CEP170: variants seen among roughly 807,000 people sequenced by gnomAD.
CEP170 encodes centrosomal protein 170, also known as centrosomal protein of 170 kDa.
In CEP170, 21 loss-of-function variants were observed where a neutral mutation model predicts 151.9. That is an observed-to-expected ratio of 0.14 (90% CI 0.10 to 0.20). The LOEUF (loss-of-function observed/expected upper bound fraction) is 0.20. Ranked by LOEUF, CEP170 falls within the 10% of genes least tolerant of loss-of-function variation. The probability of loss-of-function intolerance (pLI) is 1.00; values close to 1 mark genes in which losing one functional copy is unlikely to be tolerated. For synonymous variants in CEP170, 356 were observed against 648.8 expected (o/e 0.55, Z 6.86); for missense variants, 964 against 1,892.9 (o/e 0.51, Z 9.11).
chr1:243,203,831 A>G (rs1374113469), intron 4 of CEP170, among the ~76,000 whole-genome samples: 8 of 152,128 alleles, frequency 5.3e-5, no homozygotes, highest in Non-Finnish European at 1.0e-4. Context: ...TAGAGTCCAC[A>G]GAGAATTAGT....
At chr1:243,139,103 T>C (rs1007525446) in intron 16 of CEP170, among the ~76,000 whole-genome samples, 4 of 151,946 alleles carry the variant, frequency 2.6e-5, no homozygotes, top group African/African-American at 9.7e-5. Context: ...TATTTTCTTT[T>C]TCTTTTTTTT....
intron 1 of CEP170, among the ~76,000 whole-genome samples, chr1:243,251,547 A>C (rs2065940623): frequency 6.6e-6 from 1 of 152,180 alleles, no homozygotes; most frequent in Admixed American, 6.5e-5. Flanking sequence ...CACACACACC[A>C]CACACACATA....
At chr1:243,239,180 A>C (rs2064553656) in intron 1 of CEP170, among the ~76,000 whole-genome samples, 1 of 152,214 alleles carries the variant, frequency 6.6e-6, no homozygotes, top group African/African-American at 2.4e-5. Flanking sequence ...AATTTTTAAA[A>C]AACAGAAAGA....
At chr1:243,127,405 G>C (rs1397555372) in intron 19 of CEP170, among the ~76,000 whole-genome samples, 1 of 152,256 alleles carries the variant, frequency 6.6e-6, no homozygotes, top group South Asian at 2.1e-4. Context: ...CTCAGGCGGT[G>C]ATTTTCAATT....
intron 15 of CEP170, among the ~76,000 whole-genome samples, chr1:243,141,909 T>C (rs1319809583): frequency 6.6e-6 from 1 of 152,254 alleles, no homozygotes; most frequent in Non-Finnish European, 1.5e-5. Flanking sequence ...TTTCTCTTTG[T>C]TATCAGAGTA....
In CEP170 at chr1:243,125,762, C is replaced by T. The variant is rs1043684860; in HGVS notation, c.*687G>A. 2.7e-5 allele frequency: 5 copies of T among 183,666 alleles called. No individual in the cohort carries two copies. The highest frequency in any genetic ancestry group is 1.3e-4 in the East Asian group (1 of 7,506). 11.4% of individuals were successfully genotyped at this position (183,666 alleles called of 1,614,324 possible). ...ATCAATCTCCTATGTACAAAAAAGA[C>T]GGTTAGTCCTTATTGATATATAGAT... On this transcript the variant is annotated 3_prime_UTR_variant, in exon 20 of 20. Transcript: ENST00000366542.
intron 1 of CEP170, among the ~76,000 whole-genome samples, chr1:243,228,208 A>C (rs960816918): frequency 7.9e-5 from 12 of 152,216 alleles, no homozygotes; most frequent in African/African-American, 2.9e-4. Flanking sequence ...CTTTATGTTA[A>C]GGTAAAATCT....
chr1:243,186,047 C>T lies in CEP170; in HGVS notation c.1298G>A (p.Gly433Glu). 3 of 1,613,724 alleles carry T rather than the reference C, an allele frequency of 1.9e-6. No individual in the cohort carries two copies. Among genetic ancestry groups the T allele is most frequent in the Non-Finnish European group, 2.5e-6 (3 of 1,179,696 alleles). ...AVTSSAHHRG[G>E]HGVPHGKLLK... ...CAATTTCCCATGTGGAACACCATGC[C>T]CCCCTCTGTGATGCGCAGAGCTAGT... is the stretch of plus-strand genomic sequence containing the variant. Residue 433 changes from glycine (G) to glutamate (E), a missense_variant, in exon 10 of 20, where the codon GGG (glycine) becomes GAG (glutamate). Gly to Glu is a moderately conservative substitution (Grantham distance 98). Transcript: ENST00000366542.
intron 10 of CEP170, among the ~76,000 whole-genome samples, chr1:243,178,308 C>CAAAAAAAAAAAAAAAAA (rs869094317): frequency 6.6e-5 from 2 of 30,428 alleles, no homozygotes; most frequent in African/African-American, 3.3e-4. Context: ...GACTCTGCCT[C>CAAAAAAAAAAAAAAAAA]AAAAAAAAAA....
chr1:243,224,377 G>A (rs576890493), intron 2 of CEP170, among the ~76,000 whole-genome samples: 9 of 151,684 alleles, frequency 5.9e-5, no homozygotes, highest in South Asian at 4.2e-4. Context: ...CCAATCTTTC[G>A]GCTTCCCCGG....
At chr1:243,128,219 T>A (rs2053932582) in intron 19 of CEP170, 30 bp downstream of exon 19, 1 of 1,545,674 alleles carries the variant, frequency 6.5e-7, no homozygotes. Context: ...AATTATTAGC[T>A]CTTTATACTT....
intron 7 of CEP170, among the ~76,000 whole-genome samples, chr1:243,198,663 A>T (rs1558565229): frequency 6.6e-6 from 1 of 152,056 alleles, no homozygotes; most frequent in African/African-American, 2.4e-5. Flanking sequence ...AATTTATTTT[A>T]AAAATATGAT....
At chr1:243,247,605 C>A (rs990246588) in intron 1 of CEP170, among the ~76,000 whole-genome samples, 3 of 152,150 alleles carry the variant, frequency 2.0e-5, no homozygotes, top group African/African-American at 7.2e-5. Context: ...CCACCCGCTT[C>A]GGCCTCCCAA....
intron 3 of CEP170, among the ~76,000 whole-genome samples, chr1:243,215,575 T>A (rs2062199287): frequency 6.6e-6 from 1 of 152,190 alleles, no homozygotes; most frequent in Non-Finnish European, 1.5e-5. Flanking sequence ...AATTCCCACC[T>A]AATAAATTTT....
intron 10 of CEP170, among the ~76,000 whole-genome samples, chr1:243,173,735 CAAAAAAAA>C (rs199827738): frequency 8.2e-5 from 6 of 72,734 alleles, no homozygotes; most frequent in African/African-American, 2.6e-4. Flanking sequence ...GACCCTGTTT[CAAAAAAAA>C]AAAAAAAAAG....
In CEP170 at chr1:243,218,074, C is replaced by G. The variant is rs138825025; in HGVS notation, c.195+3650G>C. ...CAATTGATAGTATAAAATCATATAGCCAGCATACATTGTATTGATGATCTG... is the reference window on the plus strand; with the variant it reads ...CAATTGATAGTATAAAATCATATAGGCAGCATACATTGTATTGATGATCTG... On this transcript the variant is annotated intron_variant, in intron 3 of 19. Transcript: ENST00000366542. Among the ~76,000 whole-genome samples the G allele has an allele frequency of 2.5e-3, 384 of 152,314 alleles. 4 individuals are homozygous for G. Among genetic ancestry groups the G allele is most frequent in the African/African-American group, 8.8e-3 (366 of 41,566 alleles).
chr1:243,209,510 A>G (rs2061637476), intron 4 of CEP170, among the ~76,000 whole-genome samples: 1 of 152,172 alleles, frequency 6.6e-6, no homozygotes, highest in Non-Finnish European at 1.5e-5. Context: ...TAATCAAAAT[A>G]GTTTTCCTCT....
intron 1 of CEP170, among the ~76,000 whole-genome samples, chr1:243,250,971 T>A (rs996662867): frequency 1.3e-5 from 2 of 152,182 alleles, no homozygotes; most frequent in African/African-American, 4.8e-5. Flanking sequence ...ACTGATTGAA[T>A]CCAGCTGAGA....
chr1:243,252,445 A>G (rs1418702446), intron 1 of CEP170, among the ~76,000 whole-genome samples: 2 of 152,210 alleles, frequency 1.3e-5, no homozygotes, highest in African/African-American at 4.8e-5. Context: ...CTAGATGAGC[A>G]TTATCTAATT....
Sources: gnomAD v4.1 joint callset for allele counts (sites outside exome capture counted in the v4.1 genomes callset) on GRCh38, gnomAD v4.1.1 for gene constraint, MANE v1.5 for transcripts, NCBI Gene and HGNC (gene_info 2026-07-23, HGNC 2026-07-21) for gene names.